The following NLRP12 variants were observed in gnomAD, a reference collection of about 807,000 sequenced individuals.
The protein encoded by NLRP12 is NACHT, LRR and PYD domains-containing protein 12.
Under a neutral mutation model 91.2 loss-of-function variants are expected in NLRP12, and 108 were observed. The observed-to-expected ratio is 1.18, with a 90% CI of 1.01 to 1.39. NLRP12 has a LOEUF of 1.39. NLRP12 is among the 40% of genes most tolerant of loss of function. The pLI is 0.00. For missense variants in NLRP12, 1,530 were observed against 1,352.7 expected (o/e 1.13, Z -2.06); for synonymous variants, 613 against 566.7 (o/e 1.08, Z -1.16).
rs1434080724 is a variant in NLRP12, at chr19:53,814,923, C to G, written c.355G>C (p.Val119Leu). 2 of 1,613,822 alleles carry G rather than the reference C, an allele frequency of 1.2e-6. No individual in the cohort carries two copies. Among genetic ancestry groups the G allele is most frequent in the Non-Finnish European group, 8.5e-7 (1 of 1,179,914 alleles). Reference sequence around the variant, plus strand: ...TGAGGCTCACCTTTTCTTGGAGTGACAAGAGAGACTTCCAGAAGGCATGTT... The same window carrying G: ...TGAGGCTCACCTTTTCTTGGAGTGAGAAGAGAGACTTCCAGAAGGCATGTT... Reference protein sequence around the residue: ...QSTCLLEVSLVTPRKDPQETY... With the variant: ...QSTCLLEVSLLTPRKDPQETY... Residue 119 changes from valine (V) to leucine (L), a missense_variant, in exon 2 of 10, where the codon GTC becomes CTC. Val to Leu is a conservative substitution (Grantham distance 32, BLOSUM62 1). Transcript: ENST00000324134.
At chr19:53,794,608 C>T (rs930696944) in intron 9 of NLRP12, among the ~76,000 whole-genome samples, 6 of 118,908 alleles carry the variant, frequency 5.0e-5, no homozygotes, top group South Asian at 3.3e-4. Flanking sequence ...GTGTGAGCCA[C>T]CACACCTGGC....
rs1226888451 is a variant in NLRP12 at position 53,811,008 on chromosome 19, G to A, written c.651C>T (p.Gly217=). The A allele has an allele frequency of 3.1e-6, 5 of 1,613,758 alleles. No homozygotes were observed. The highest frequency in any genetic ancestry group is 1.3e-5 in the African/African-American group (1 of 74,928). ...GCATGGACTTGCCTATCCCTGCCGCGCCTTGCATGACCACGGTGCGCGGTG... is the reference window on the plus strand; with the variant it reads ...GCATGGACTTGCCTATCCCTGCCGCACCTTGCATGACCACGGTGCGCGGTG... ...PEPPRTVVMQ[G]AAGIGKSMLA... Residue 217 remains glycine (G), a synonymous_variant, in exon 3 of 10, where the codon GGC becomes GGT. Coordinates refer to ENST00000324134, the MANE Select transcript of NLRP12 (RefSeq NM_144687.4).
chr19:53,823,284 T>C (rs984366548), intron 1 of NLRP12, among the ~76,000 whole-genome samples: 2 of 140,256 alleles, frequency 1.4e-5, no homozygotes, highest in Non-Finnish European at 3.0e-5. Flanking sequence ...TTATATAATA[T>C]ACCATATTTA....
rs200996095 is a variant in NLRP12, at chr19:53,810,637, G to A, written c.1022C>T (p.Thr341Ile). ...CTTCTCCAAAGCCGTGGGCCGTGTG[G>A]TGATGAGCAAAGATAGCTCAGGGAG... ...KLLPELSLLI[T>I]TRPTALEKLH... The change falls in exon 3 of 10, where the codon ACC becomes ATC. Residue 341 changes from threonine to isoleucine, a missense_variant. Coordinates refer to ENST00000324134, the MANE Select transcript of NLRP12 (RefSeq NM_144687.4). 349 of 1,613,976 alleles carry A rather than the reference G, an allele frequency of 2.2e-4. 1 individual carries two copies. Among genetic ancestry groups the A allele is most frequent in the Non-Finnish European group, 2.8e-4 (333 of 1,180,016 alleles).
intron 2 of NLRP12, among the ~76,000 whole-genome samples, chr19:53,814,589 G>A (rs1020789702): frequency 2.6e-5 from 4 of 151,994 alleles, no homozygotes; most frequent in Non-Finnish European, 5.9e-5. Context: ...GACCTCAGGT[G>A]ATCTGCCCGC....
intron 4 of NLRP12, among the ~76,000 whole-genome samples, chr19:53,806,004 T>C (rs1390674261): frequency 6.6e-6 from 1 of 151,444 alleles, no homozygotes; most frequent in Non-Finnish European, 1.5e-5. Context: ...GAGGCCGAGG[T>C]GGGTGGATCA....
chr19:53,823,114 T>TATATATACACATATATACACACACAC (rs1165905518), intron 1 of NLRP12, among the ~76,000 whole-genome samples: 4 of 150,530 alleles, frequency 2.7e-5, no homozygotes, highest in African/African-American at 7.3e-5. Context: ...TACACACACA[T>TATATATACACATATATACACACACAC]ATATATACAC....
rs760410517 is a variant in NLRP12 at position 53,801,253 on chromosome 19, A to G, written c.2730T>C (p.His910=). ...GVLLLCEGLR[H]PTCKLQTLRL... is the part of the protein sequence containing the mutation. ...GCAGGGTCTGGAGCTTGCACGTGGG[A>G]TGCCTGAGGCCCTCACACAGCAGCA... The change falls in exon 7 of 10, where the codon CAT becomes CAC. Residue 910 remains histidine (H), a synonymous_variant. Transcript: ENST00000324134. The G allele has an allele frequency of 6.2e-7, 1 of 1,613,912 alleles. No homozygotes were observed. Among genetic ancestry groups the G allele is most frequent in the South Asian group, 1.1e-5 (1 of 91,080 alleles).
intron 4 of NLRP12, among the ~76,000 whole-genome samples, chr19:53,806,811 T>C (rs1324294039): frequency 6.7e-6 from 1 of 150,200 alleles, no homozygotes; most frequent in African/African-American, 2.4e-5. Context: ...TGAGCCATGA[T>C]TGTGCCACTG....
chr19:53,806,679 CAAAAAAAA>C (rs58275455), intron 4 of NLRP12, among the ~76,000 whole-genome samples: 8 of 43,390 alleles, frequency 1.8e-4, no homozygotes, highest in African/African-American at 7.5e-4. Context: ...GACTCCGTCT[CAAAAAAAA>C]AAAAAAAAAA....
Position 53,804,179 on chromosome 19 carries a change from A to G in NLRP12, c.2415-57T>C. On this transcript the variant is annotated intron_variant, in intron 5 of 9. Transcript: ENST00000324134. ...CATCTTGCTTTTCTATGTCGTGATC[A>G]CTCATGCTCCAGCCTGTTATTTTAT... 3 of 1,567,288 alleles carry G rather than the reference A, an allele frequency of 1.9e-6. No individual in the cohort carries two copies. In the South Asian group the frequency reaches 3.4e-5, roughly 18 times the overall value.
Position 53,810,431 on chromosome 19 carries a change from C to G in NLRP12, c.1228G>C (p.Val410Leu), listed in dbSNP as rs776187251. The G allele has an allele frequency of 1.2e-6, 2 of 1,614,010 alleles. No homozygotes were observed. Among genetic ancestry groups the G allele is most frequent in the Non-Finnish European group, 1.7e-6 (2 of 1,180,012 alleles). The change falls in exon 3 of 10, where the codon GTG becomes CTG. Residue 410 changes from valine to leucine, a missense_variant. Val to Leu is a conservative substitution (Grantham distance 32). Transcript: ENST00000324134. The part of the protein sequence containing the change: ...MCFVPLVCWV[V>L]CTCLQQQLEG... ...AGCTGCTGCTGGAGGCAGGTACACA[C>G]CACCCAGCACACCAGGGGGACGAAG...
chr19:53,821,599 T>C (rs1450007008), intron 1 of NLRP12, among the ~76,000 whole-genome samples: 1 of 151,730 alleles, frequency 6.6e-6, no homozygotes, highest in Non-Finnish European at 1.5e-5. Flanking sequence ...ACCCAGGAGG[T>C]AGAGCTTGCA....
At chr19:53,797,562 G>T (rs1782208040) in intron 8 of NLRP12, among the ~76,000 whole-genome samples, 1 of 151,820 alleles carries the variant, frequency 6.6e-6, no homozygotes, top group South Asian at 2.1e-4. Context: ...GGGATTACAG[G>T]CATGCGCCAC....
rs530600861 is a variant in NLRP12 at position 53,810,330 on chromosome 19, C to T, written c.1329G>A (p.Met443Ile). The stretch of plus-strand genomic sequence containing the variant: ...GGCGCGGGGCCCCCGGCTTGGGTTG[C>T]ATCAGACTCAGCAGGTAGAGCATGT... ...AVYMLYLLSL[M>I]QPKPGAPRLQ... The change falls in exon 3 of 10, where the codon ATG (methionine) becomes ATA (isoleucine). Residue 443 changes from methionine to isoleucine, a missense_variant. Physicochemically the swap from Met to Ile is conservative, Grantham distance 10. Transcript: ENST00000324134. 3 of 1,613,600 alleles carry T rather than the reference C, an allele frequency of 1.9e-6. No homozygotes were observed. In the South Asian group the frequency reaches 3.3e-5, roughly 18 times the overall value.
chr19:53,820,768 A>G (rs2092254111), intron 1 of NLRP12, among the ~76,000 whole-genome samples: 1 of 150,024 alleles, frequency 6.7e-6, no homozygotes, highest in African/African-American at 2.4e-5. Context: ...GCTCACCGCA[A>G]GCTCTGCCTC....
In NLRP12 at chr19:53,798,190, G is replaced by A. The variant is rs778186619; in HGVS notation, c.2927+53C>T. 12 of 1,577,844 alleles carry A rather than the reference G, an allele frequency of 7.6e-6. No individual in the cohort carries two copies. In the South Asian group the frequency reaches 7.7e-5, roughly 10 times the overall value. The stretch of plus-strand genomic sequence containing the variant: ...ATAGAAAAATGAAGGATGAGAAGGC[G>A]CTTCCACTGTCCAAACGTGACCACT... On this transcript the variant is annotated intron_variant, in intron 8 of 9. Transcript: ENST00000324134.
Position 53,807,633 on chromosome 19 carries a change from C to T in NLRP12, c.2105G>A (p.Ser702Asn). 1 of 1,614,200 alleles carries T rather than the reference C, an allele frequency of 6.2e-7. No individual in the cohort carries two copies. The highest frequency in any genetic ancestry group is 8.5e-7 in the Non-Finnish European group (1 of 1,180,048). ...GCACAGGGCCGCTGCCAGATGTTCA[C>T]TGTAGGCGTCCAGCAGAACGGTCCT... The part of the protein sequence containing the change: ...PERTVLLDAY[S>N]EHLAAALCTN... The change falls in exon 4 of 10, where the codon AGT becomes AAT. Residue 702 changes from serine (S) to asparagine (N), a missense_variant. Transcript: ENST00000324134.
chr19:53,824,315 G>GA, upstream of NLRP12: 1 of 772,798 alleles, frequency 1.3e-6, no homozygotes, highest in African/African-American at 1.7e-5. Context: ...TTGGAGGAGA[G>GA]AGCAAGGGAG....
Sources: gnomAD v4.1 joint callset for allele counts (sites outside exome capture counted in the v4.1 genomes callset) on GRCh38, gnomAD v4.1.1 for gene constraint, MANE v1.5 for transcripts, NCBI Gene and HGNC (gene_info 2026-07-23, HGNC 2026-07-21) for gene names.